CSRNP2: variants seen among roughly 807,000 people sequenced by gnomAD.
CSRNP2 encodes the protein cysteine/serine-rich nuclear protein 2.
CSRNP2 carries 11 observed loss-of-function variants against 36.6 expected under a neutral mutation model. That is an observed-to-expected ratio of 0.30 (90% confidence interval 0.19 to 0.50). The LOEUF is 0.50. Ranked by LOEUF, CSRNP2 falls within the 20% of genes least tolerant of loss-of-function variation. The pLI is 0.98. For missense variants in CSRNP2, 483 were observed against 691.4 expected, an observed-to-expected ratio of 0.70 and a Z score of 3.38; for synonymous variants, 248 against 275.3, an observed-to-expected ratio of 0.90 and a Z score of 0.98.
rs1186019240 is a variant in CSRNP2 at position 51,076,345 on chromosome 12, C to T, written c.151+66G>A. The stretch of plus-strand genomic sequence containing the variant: ...TCCCCAAGCCACACAGACGCTGTCT[C>T]GAGCTGCCATGGGTTCTGCTGCTTG... On this transcript the variant is annotated intron_variant, in intron 2 of 4. Transcript: ENST00000228515. 7.7e-6 allele frequency: 12 copies of T among 1,556,920 alleles called. No homozygotes were observed. In the Admixed American group the frequency reaches 1.4e-4, roughly 18 times the overall value.
chr12:51,080,092 A>AAAG (rs1939572520), intron 1 of CSRNP2, among the ~76,000 whole-genome samples: 1 of 148,362 alleles, frequency 6.7e-6, no homozygotes, highest in Admixed American at 6.8e-5. Flanking sequence ...AAAAAAAAAA[A>AAAG]AAAAAAAGAG....
At chr12:51,064,736 T>C (rs1239088988) in intron 4 of CSRNP2, 67 bp from the exon 5 acceptor site, 2 of 1,374,768 alleles carry the variant, frequency 1.5e-6, no homozygotes, top group South Asian at 1.9e-5. Flanking sequence ...ACAGGAGACA[T>C]GAGCTGGCAA....
intron 3 of CSRNP2, among the ~76,000 whole-genome samples, chr12:51,073,224 A>T (rs1374172424): frequency 7.1e-6 from 1 of 141,648 alleles, no homozygotes; most frequent in Non-Finnish European, 1.6e-5. Context: ...GTCTCAAAAG[A>T]AAACATACAT....
rs879908785 is a variant in CSRNP2 at position 51,069,840 on chromosome 12, CTG to C, written c.412-1873_412-1872del. On this transcript the variant is annotated intron_variant, in intron 3 of 4. Transcript: ENST00000228515. ...CCCGAGTAGTTGGGACTACAGGCGC[CTG>C]CCACCACGCCTCGCTAATTTTTTGT... is the stretch of plus-strand genomic sequence containing the variant. Among the ~76,000 whole-genome samples the C allele has an allele frequency of 1.6e-3, 245 of 152,000 alleles. 1 individual carries two copies. The highest frequency in any genetic ancestry group is 2.8e-3 in the Non-Finnish European group (192 of 67,972).
At chr12:51,069,805 G>T (rs1406269310) in intron 3 of CSRNP2, among the ~76,000 whole-genome samples, 1 of 151,102 alleles carries the variant, frequency 6.6e-6, no homozygotes, top group South Asian at 2.1e-4. Flanking sequence ...CCATTCTCCT[G>T]CCTTAGCCTC....
chr12:51,082,475 C>G (rs1939681566), intron 1 of CSRNP2: 1 of 152,134 alleles, frequency 6.6e-6, no homozygotes, highest in Admixed American at 6.6e-5. Context: ...TGTGGATTTG[C>G]AAGACAGAAA....
intron 3 of CSRNP2, among the ~76,000 whole-genome samples, chr12:51,072,810 T>C (rs1310935393): frequency 6.6e-6 from 1 of 152,320 alleles, no homozygotes; most frequent in Admixed American, 6.5e-5. Flanking sequence ...AAACCTGTTC[T>C]GTGCATCCGG....
rs887467650 is a variant in CSRNP2 at position 51,062,475 on chromosome 12, CAG to C, written c.*1269_*1270del. 6.6e-6 allele frequency: 1 copy of C among 152,190 alleles called. No individual in the cohort carries two copies. Among genetic ancestry groups the C allele is most frequent in the African/African-American group, 2.4e-5 (1 of 41,440 alleles). The allele number at this position is 152,190 out of a possible 1,614,324, so 9.4% of individuals were successfully genotyped here. A position where few individuals can be genotyped will look rare whatever the true frequency, so the allele number is the denominator to read the frequency against. ...TGAACAGGAACTGTATTCCTCCTGACAGAGGTAAGAACTGAATCAAACTGAAT... is the reference window on the plus strand; with the variant it reads ...TGAACAGGAACTGTATTCCTCCTGACAGGTAAGAACTGAATCAAACTGAAT... On this transcript the variant is annotated 3_prime_UTR_variant, in exon 5 of 5. Transcript: ENST00000228515.
At chr12:51,068,039 A>G in intron 3 of CSRNP2, 70 bp from the exon 4 acceptor site, 1 of 1,443,930 alleles carries the variant, frequency 6.9e-7, no homozygotes, top group South Asian at 1.3e-5. Flanking sequence ...ACCATCCCAG[A>G]GCAGCACTGT....
intron 3 of CSRNP2, 135 bp downstream of exon 3, chr12:51,073,688 T>C (rs1939279032): frequency 3.3e-6 from 3 of 900,832 alleles, no homozygotes; most frequent in African/African-American, 3.5e-5. Context: ...ATCATGCCAG[T>C]GCACTCCAGC....
chr12:51,069,415 T>G, intron 3 of CSRNP2, among the ~76,000 whole-genome samples: 1 of 149,424 alleles, frequency 6.7e-6, no homozygotes, highest in East Asian at 2.0e-4. Context: ...GCCTTCCAAG[T>G]AGCTGGAATT....
chr12:51,082,682 T>C (rs1032724214), intron 1 of CSRNP2: 3 of 152,164 alleles, frequency 2.0e-5, no homozygotes, highest in Non-Finnish European at 4.4e-5. Flanking sequence ...GGCAGTTGGC[T>C]GCGTAATTGG....
At chr12:51,073,689 G>T in intron 3 of CSRNP2, 134 bp downstream of exon 3, 1 of 919,712 alleles carries the variant, frequency 1.1e-6, no homozygotes, top group Non-Finnish European at 1.6e-6. Context: ...TCATGCCAGT[G>T]CACTCCAGCC....
chr12:51,069,581 C>G (rs1003964094), intron 3 of CSRNP2, among the ~76,000 whole-genome samples: 7 of 150,754 alleles, frequency 4.6e-5, no homozygotes, highest in Non-Finnish European at 7.4e-5. Flanking sequence ...GCCACTGCAC[C>G]AGGCCTAATC....
intron 3 of CSRNP2, among the ~76,000 whole-genome samples, chr12:51,072,634 CCT>C (rs200953906): frequency 0.36 from 31,340 of 88,116 alleles, 3,631 homozygotes; most frequent in Admixed American, 0.44. Flanking sequence ...CTTTTCCCAG[CCT>C]CTCTCTCTCG....
chr12:51,076,378 TGGG>T (rs1368985133), intron 2 of CSRNP2, 30 bp downstream of exon 2: 1 of 1,605,304 alleles, frequency 6.2e-7, no homozygotes, highest in Non-Finnish European at 8.5e-7. Flanking sequence ...TTGGGGAATG[TGGG>T]TATAGGCAGG....
chr12:51,077,577 C>T (rs1338910257), intron 1 of CSRNP2, among the ~76,000 whole-genome samples: 3 of 152,102 alleles, frequency 2.0e-5, no homozygotes, highest in Admixed American at 1.3e-4. Flanking sequence ...AAACCCTTTA[C>T]CCAGATCTTC....
intron 3 of CSRNP2, among the ~76,000 whole-genome samples, chr12:51,072,667 C>G (rs1939232957): frequency 6.9e-6 from 1 of 145,442 alleles, no homozygotes; most frequent in African/African-American, 2.6e-5. Context: ...GGTGCTGTAT[C>G]AGGTGGCAGG....
intron 1 of CSRNP2, among the ~76,000 whole-genome samples, chr12:51,081,776 T>G (rs973023229): frequency 2.6e-5 from 4 of 152,056 alleles, no homozygotes; most frequent in Non-Finnish European, 5.9e-5. Flanking sequence ...TAGTACTAGA[T>G]CTAAGTTTTT....
Sources: allele counts gnomAD v4.1 joint callset (sites outside exome capture counted in the v4.1 genomes callset), GRCh38; gene constraint gnomAD v4.1.1; transcripts MANE v1.5; gene names NCBI Gene and HGNC (gene_info 2026-07-23, HGNC 2026-07-21).